The following BPIFB4 variants were observed in gnomAD, a reference collection of about 807,000 sequenced individuals.
The protein encoded by BPIFB4 is BPI fold containing family B member 4.
In BPIFB4, 62 loss-of-function variants were observed where a neutral mutation model predicts 69.2. That is an observed-to-expected ratio of 0.90 (90% CI 0.73 to 1.11). The LOEUF is 1.11. Ranked by LOEUF, BPIFB4 falls within the 50% of genes least tolerant of loss-of-function variation. BPIFB4 has a pLI of 0.00. For missense variants in BPIFB4, 789 were observed against 792.0 expected, an observed-to-expected ratio of 1.00 and a Z score of 0.04; for synonymous variants, 330 against 332.7, an observed-to-expected ratio of 0.99 and a Z score of 0.09.
In BPIFB4 at chr20:33,086,133, C is replaced by T. The variant is rs1304488700; in HGVS notation, c.895C>T (p.Leu299=). 1 of 1,609,658 alleles carries T rather than the reference C, an allele frequency of 6.2e-7. No individual in the cohort carries two copies. The highest frequency in any genetic ancestry group is 8.5e-7 in the Non-Finnish European group (1 of 1,176,378). The change falls in exon 7 of 18, where the codon CTA becomes TTA. Residue 299 remains leucine (L), a synonymous_variant. Coordinates refer to ENST00000375483, the MANE Select transcript of BPIFB4 (RefSeq NM_182519.3). The stretch of plus-strand genomic sequence containing the variant: ...GGTCATTGAGCGATGTGACACCCTC[C>T]TAGGGGGCATCAAAGTCAAGCTGCT... ...RLVIERCDTL[L]GGIKVKLLRG... is the part of the protein sequence containing the mutation.
Position 33,093,460 on chromosome 20 carries a change from CATCT to C in BPIFB4, c.1344+803_1344+806del, listed in dbSNP as rs375222492. The stretch of plus-strand genomic sequence containing the variant: ...CCACCAATTCATCCATCTATCCATC[CATCT>C]GTTTATCTATCCATCCACCTATCCA... On this transcript the variant is annotated intron_variant, in intron 11 of 17. Transcript: ENST00000375483. Among the ~76,000 whole-genome samples the C allele has an allele frequency of 1.6e-3, 244 of 150,502 alleles. 1 individual carries two copies. Among genetic ancestry groups the C allele is most frequent in the African/African-American group, 5.6e-3 (227 of 40,890 alleles).
rs561640749 is a variant in BPIFB4 at position 33,099,190 on chromosome 20, T to C, written c.1570-1236T>C. ...CACTTGGGACTCTGGTCCCATCTGC[T>C]GTCTTCCTGCTAGTCCCTCCTACTC... On this transcript the variant is annotated intron_variant, in intron 13 of 17. Coordinates refer to ENST00000375483, the MANE Select transcript of BPIFB4 (RefSeq NM_182519.3). Among the ~76,000 whole-genome samples, 6 of 152,312 alleles carry C rather than the reference T, an allele frequency of 3.9e-5. No individual in the cohort carries two copies. The East Asian group carries it at 1.2e-3, about 29-fold the overall frequency.
At position 33,100,428 on chromosome 20, in the gene BPIFB4, C is replaced by A; in HGVS notation, c.1572C>A (p.Asp524Glu). 1 of 1,595,254 alleles carries A rather than the reference C, an allele frequency of 6.3e-7. No individual in the cohort carries two copies. Among genetic ancestry groups the A allele is most frequent in the Non-Finnish European group, 8.6e-7 (1 of 1,162,826 alleles). The stretch of plus-strand genomic sequence containing the variant: ...TTTCTCCTTTCCTTTCCCTCCAGGA[C>A]ACAGAATTCTTGGCCTCATTTTCCA... ...LETTICLIDV[D>E]TEFLASFSTE... The change falls in exon 14 of 18, where the codon GAC becomes GAA. Residue 524 changes from aspartate to glutamate, a missense_variant and splice_region_variant. By Grantham distance (45) the Asp-to-Glu change is conservative. This residue lies in a region of BPIFB4 where 170 missense variants were observed against 193.6 expected (regional missense o/e 0.88). Coordinates refer to ENST00000375483, the MANE Select transcript of BPIFB4 (RefSeq NM_182519.3).
intron 2 of BPIFB4, 139 bp from the exon 3 acceptor site, chr20:33,081,373 G>A (rs1210701427): frequency 7.1e-7 from 1 of 1,413,410 alleles, no homozygotes; most frequent in East Asian, 2.5e-5. Flanking sequence ...CCCTGCCTTA[G>A]TATGTGACCT....
In BPIFB4 at chr20:33,092,655, C is replaced by T; in HGVS notation, c.1341C>T (p.Gly447=). The change falls in exon 11 of 18, where the codon GGC becomes GGT. Residue 447 remains glycine (G), a synonymous_variant. Transcript: ENST00000375483. ...QHALDLDITN[G]MFEELPPLTT... ...CTCTAGACCTGGATATCACCAATGG[C>T]ATGGTGAGTCACAGCCCCACCAGGG... 7 of 1,607,360 alleles carry T rather than the reference C, an allele frequency of 4.4e-6. No individual in the cohort carries two copies. Among genetic ancestry groups the T allele is most frequent in the Non-Finnish European group, 5.9e-6 (7 of 1,178,462 alleles).
At chr20:33,095,231 T>C in intron 12 of BPIFB4, 78 bp downstream of exon 12, 1 of 1,442,206 alleles carries the variant, frequency 6.9e-7, no homozygotes. Flanking sequence ...GAAGGGAAGA[T>C]GCTCAGCGCT....
intron 11 of BPIFB4, among the ~76,000 whole-genome samples, chr20:33,093,956 C>T (rs552026029): frequency 5.9e-5 from 9 of 152,348 alleles, no homozygotes; most frequent in Non-Finnish European, 1.3e-4. Flanking sequence ...CTGTCTGTCT[C>T]CCTGTCTGTC....
At position 33,092,475 on chromosome 20, in the gene BPIFB4, T is replaced by A. The variant is rs985341265; in HGVS notation, c.1161T>A (p.Ala387=). ...TCCCCCAGACGCTGGTTGGGGAGGC[T>A]GGAGGAGGACTCATCGACTACCCAT... ...ELDLNTLVGE[A]GGGLIDYPLG... Residue 387 remains alanine (A), a synonymous_variant, in exon 11 of 18, where the codon GCT becomes GCA. Coordinates refer to ENST00000375483, the MANE Select transcript of BPIFB4 (RefSeq NM_182519.3). 39 of 1,613,856 alleles carry A rather than the reference T, an allele frequency of 2.4e-5. No homozygotes were observed. Among genetic ancestry groups the A allele is most frequent in the Non-Finnish European group, 3.2e-5 (38 of 1,179,848 alleles).
In BPIFB4 at chr20:33,082,427, C is replaced by G. The variant is rs189914064; in HGVS notation, c.107-511C>G. 1.1e-4 allele frequency among the ~76,000 whole-genome samples: 16 copies of G among 152,226 alleles called. No individual in the cohort carries two copies. In the East Asian group the frequency reaches 3.1e-3, roughly 29 times the overall value. On this transcript the variant is annotated intron_variant, in intron 3 of 17. Transcript: ENST00000375483. ...CGGCTTACTGCAACCTCCTCCTCCC[C>G]GTTTCAAGCGATTCTCCTGCCTCAG...
rs1982239749 is a variant in BPIFB4, at chr20:33,111,559, C to T, written c.*122C>T. On this transcript the variant is annotated 3_prime_UTR_variant, in exon 18 of 18. Transcript: ENST00000375483. ...GCCTCCATGACAGGTCCCTCCCTGG[C>T]CCCCCAACCCTCTTCCTCCCTTGCC... 1 of 1,226,342 alleles carries T rather than the reference C, an allele frequency of 8.2e-7. No individual in the cohort carries two copies. The highest frequency in any genetic ancestry group is 1.2e-6 in the Non-Finnish European group (1 of 853,572). 76.0% of individuals were successfully genotyped at this position (1,226,342 alleles called of 1,614,324 possible).
intron 13 of BPIFB4, among the ~76,000 whole-genome samples, chr20:33,099,298 G>C (rs958388007): frequency 2.6e-5 from 4 of 152,112 alleles, no homozygotes; most frequent in African/African-American, 4.8e-5. Flanking sequence ...AGAGTGTGGG[G>C]GTTCTTGTGT....
Position 33,083,472 on chromosome 20 carries a change from C to A in BPIFB4, c.275C>A (p.Thr92Asn), listed in dbSNP as rs1568999855. Residue 92 changes from threonine (T) to asparagine (N), a missense_variant, in exon 5 of 18, where the codon ACC (threonine) becomes AAC (asparagine). Around this residue, in one of 3 missense-constraint regions of BPIFB4, gnomAD observed 611 missense variants for 575.4 expected, o/e 1.06. Transcript: ENST00000375483. ...ATTTACCAGTATGGTCACATTGAGA[C>A]CAACGACAACACTGCTCAGCTGGGG... ...DGIYQYGHIETNDNTAQLGGK... is the reference protein window; with the variant it reads ...DGIYQYGHIENNDNTAQLGGK... 6.2e-7 allele frequency: 1 copy of A among 1,613,862 alleles called. No homozygotes were observed. The highest frequency in any genetic ancestry group is 1.7e-5 in the Admixed American group (1 of 60,000).
Position 33,081,949 on chromosome 20 carries a change from C to G in BPIFB4, c.106+317C>G, listed in dbSNP as rs574065693. Reference sequence around the variant, plus strand: ...ACCTTAAGTTCATGACTTGAGTTCCCTGAGCCTCAGTTTCTTTATCTGTAA... The same window carrying G: ...ACCTTAAGTTCATGACTTGAGTTCCGTGAGCCTCAGTTTCTTTATCTGTAA... On this transcript the variant is annotated intron_variant, in intron 3 of 17. Transcript: ENST00000375483. 2.6e-5 allele frequency among the ~76,000 whole-genome samples: 4 copies of G among 152,340 alleles called. No individual in the cohort carries two copies. The East Asian group carries it at 5.8e-4, about 22-fold the overall frequency.
chr20:33,090,616 C>T, intron 9 of BPIFB4, 92 bp from the exon 10 acceptor site: 1 of 1,568,840 alleles, frequency 6.4e-7, no homozygotes, highest in Non-Finnish European at 8.7e-7. Flanking sequence ...GGAGCCTGGG[C>T]CTACCTTGTC....
intron 10 of BPIFB4, among the ~76,000 whole-genome samples, chr20:33,091,809 T>C (rs1367740182): frequency 6.6e-6 from 1 of 152,208 alleles, no homozygotes; most frequent in East Asian, 1.9e-4. Context: ...CAAACAAATA[T>C]GCAATTCTAA....
intron 13 of BPIFB4, among the ~76,000 whole-genome samples, chr20:33,099,067 A>G (rs1195160489): frequency 6.6e-6 from 1 of 151,498 alleles, no homozygotes; most frequent in Non-Finnish European, 1.5e-5. Context: ...CCCAGCACAC[A>G]GTAGATGCTC....
At chr20:33,097,848 C>T in intron 13 of BPIFB4, 61 bp downstream of exon 13, 2 of 1,489,804 alleles carry the variant, frequency 1.3e-6, no homozygotes, top group Non-Finnish European at 1.8e-6. Flanking sequence ...CACATGGTCT[C>T]CTGGAGCCCA....
At chr20:33,102,100 C>T (rs976244189) in intron 14 of BPIFB4, among the ~76,000 whole-genome samples, 1 of 152,162 alleles carries the variant, frequency 6.6e-6, no homozygotes, top group Admixed American at 6.5e-5. Flanking sequence ...GCCAGCTGGG[C>T]AAGAGCTGGG....
rs1981948032 is a variant in BPIFB4, at chr20:33,102,988, A to G, written c.1654A>G (p.Arg552Gly). Residue 552 changes from arginine (R) to glycine (G), a missense_variant, in exon 15 of 18, where the codon AGA becomes GGA. This residue lies in a region of BPIFB4 where 170 missense variants were observed against 193.6 expected (regional missense o/e 0.88). Transcript: ENST00000375483. Reference sequence around the variant, plus strand: ...CGTCTACAGGACCAGCCTCAACCTCAGAACCTCAAACGTGGGCAACTTTGA... The same window carrying G: ...CGTCTACAGGACCAGCCTCAACCTCGGAACCTCAAACGTGGGCAACTTTGA... ...AKLEKTSLNLRTSNVGNFDIG... is the reference protein window; with the variant it reads ...AKLEKTSLNLGTSNVGNFDIG... The G allele has an allele frequency of 6.2e-7, 1 of 1,614,140 alleles. No homozygotes were observed. Among genetic ancestry groups the G allele is most frequent in the Non-Finnish European group, 8.5e-7 (1 of 1,180,000 alleles).
Sources: allele counts gnomAD v4.1 joint callset (sites outside exome capture counted in the v4.1 genomes callset), GRCh38; gene constraint gnomAD v4.1.1; regional missense constraint gnomAD v4.1.1; transcripts MANE v1.5; gene names NCBI Gene and HGNC (gene_info 2026-07-23, HGNC 2026-07-21).